BTBD18: variants seen among roughly 807,000 people sequenced by gnomAD.
The protein encoded by BTBD18 is BTB/POZ domain-containing protein 18.
For synonymous variants in BTBD18, 311 were observed against 324.4 expected (o/e 0.96, Z 0.44); for missense variants, 787 against 846.3 (o/e 0.93, Z 0.87).
In BTBD18 at chr11:57,744,913, C is replaced by T; in HGVS notation, c.1360G>A (p.Glu454Lys). ...TCAATAGCCAACATAGGTTCCTTCT[C>T]TACCAGTTCTGGACTGGACTCAAAC... Reference protein sequence around the residue: ...SEFESSPELVEKEPMLAIDCR... With the variant: ...SEFESSPELVKKEPMLAIDCR... The change falls in exon 3 of 3, where the codon GAG becomes AAG. Residue 454 changes from glutamate to lysine, a missense_variant. Physicochemically the swap from Glu to Lys is moderately conservative, Grantham distance 56. Transcript: ENST00000422652. 1 of 1,551,470 alleles carries T rather than the reference C, an allele frequency of 6.4e-7. No individual in the cohort carries two copies. Among genetic ancestry groups the T allele is most frequent in the Non-Finnish European group, 8.7e-7 (1 of 1,146,872 alleles).
chr11:57,744,745 G>C lies in BTBD18; in HGVS notation c.1528C>G (p.Pro510Ala), dbSNP rs183196273. 8.4e-6 allele frequency: 13 copies of C among 1,551,674 alleles called. No homozygotes were observed. Among genetic ancestry groups the C allele is most frequent in the African/African-American group, 2.7e-5 (2 of 73,158 alleles). ...CCTGGACTCTCCAGAGACCCTATAG[G>C]TGGTTCAATGTCTGAGCCACAGAGC... is the stretch of plus-strand genomic sequence containing the variant. ...FMLCGSDIEP[P>A]IGSLESPGAE... The change falls in exon 3 of 3, where the codon CCT becomes GCT. Residue 510 changes from proline to alanine, a missense_variant. Transcript: ENST00000422652.
At chr11:57,750,533 T>C (rs1259540376) in intron 2 of BTBD18, among the ~76,000 whole-genome samples, 1 of 152,184 alleles carries the variant, frequency 6.6e-6, no homozygotes, top group African/African-American at 2.4e-5. Context: ...TCATCTCTAC[T>C]AAAAATACAA....
chr11:57,752,524 CAA>C (rs1171408975), upstream of BTBD18, among the ~76,000 whole-genome samples: 3 of 116,296 alleles, frequency 2.6e-5, no homozygotes, highest in Non-Finnish European at 1.8e-5. Flanking sequence ...GACTCCGTCT[CAA>C]AAAAAAAAAA....
chr11:57,751,448 CTATT>C (rs1949307595), intron 1 of BTBD18, 89 bp downstream of exon 1: 3 of 291,472 alleles, frequency 1.0e-5, no homozygotes, highest in Non-Finnish European at 1.9e-5. Flanking sequence ...GGTCTTGGCT[CTATT>C]TATTAGCCTG....
In BTBD18 at chr11:57,744,163, A is replaced by T; in HGVS notation, c.2110T>A (p.Ser704Thr). The T allele has an allele frequency of 1.3e-6, 2 of 1,550,422 alleles. No individual in the cohort carries two copies. The highest frequency in any genetic ancestry group is 2.4e-5 in the South Asian group (2 of 84,008). Residue 704 changes from serine to threonine, a missense_variant, in exon 3 of 3, where the codon TCA (serine) becomes ACA (threonine). Ser to Thr is a moderately conservative substitution (Grantham distance 58). Transcript: ENST00000422652. ...PSVWPDPSSE[S>T]ETEVDILT ...GTTAGTATATCTACCTCTGTTTCTG[A>T]CTCTGAGGAAGGGTCAGGCCACACG...
rs1949179884 is a variant in BTBD18, at chr11:57,745,918, C to T, written c.355G>A (p.Glu119Lys). Reference protein sequence around the residue: ...LSAARQLRVSELESLQLEGGK... With the variant: ...LSAARQLRVSKLESLQLEGGK... ...CCCTCAAGCTGAAGGGATTCCAGCTCAGACACACGGAGCTGACGGGCAGCA... is the reference window on the plus strand; with the variant it reads ...CCCTCAAGCTGAAGGGATTCCAGCTTAGACACACGGAGCTGACGGGCAGCA... The change falls in exon 3 of 3, where the codon GAG (glutamate) becomes AAG (lysine). Residue 119 changes from glutamate to lysine, a missense_variant. Coordinates refer to ENST00000422652, the MANE Select transcript of BTBD18 (RefSeq NM_001145101.3). 7 of 1,551,672 alleles carry T rather than the reference C, an allele frequency of 4.5e-6. No homozygotes were observed. Among genetic ancestry groups the T allele is most frequent in the Non-Finnish European group, 6.1e-6 (7 of 1,146,994 alleles).
At position 57,745,447 on chromosome 11, in the gene BTBD18, T is replaced by C. The variant is rs1949171445; in HGVS notation, c.826A>G (p.Thr276Ala). The C allele has an allele frequency of 6.4e-7, 1 of 1,551,264 alleles. No individual in the cohort carries two copies. Among genetic ancestry groups the C allele is most frequent in the African/African-American group, 1.4e-5 (1 of 73,048 alleles). ...CTTAAAATGCTGGAAGGCTTTGATG[T>C]ACAGATACCAGGAGATGGCTTTGAG... ...SRSKPSPGIC[T>A]SKPSSILSGS... The change falls in exon 3 of 3, where the codon ACA (threonine) becomes GCA (alanine). Residue 276 changes from threonine to alanine, a missense_variant. Coordinates refer to ENST00000422652, the MANE Select transcript of BTBD18 (RefSeq NM_001145101.3).
chr11:57,744,561 A>C lies in BTBD18; in HGVS notation c.1712T>G (p.Leu571Arg). ...PAGENRGPTE[L>R]LSPLVMPSEV... ...AGAGGGCATGACAAGGGGGCTAAGG[A>C]GCTCAGTTGGCCCTCTGTTCTCACC... Residue 571 changes from leucine to arginine, a missense_variant, in exon 3 of 3, where the codon CTC becomes CGC. Leu to Arg is a moderately radical substitution (Grantham distance 102, BLOSUM62 -2). Transcript: ENST00000422652. The C allele has an allele frequency of 6.4e-7, 1 of 1,551,690 alleles. No homozygotes were observed. The highest frequency in any genetic ancestry group is 8.7e-7 in the Non-Finnish European group (1 of 1,146,984).
intron 2 of BTBD18, among the ~76,000 whole-genome samples, chr11:57,749,733 G>T (rs1447754809): frequency 9.5e-6 from 1 of 104,862 alleles, no homozygotes; most frequent in African/African-American, 3.8e-5. Flanking sequence ...CTGGGCGACA[G>T]CGCAAGAATC....
upstream of BTBD18, among the ~76,000 whole-genome samples, chr11:57,752,803 A>G (rs1024718280): frequency 6.6e-6 from 1 of 152,248 alleles, no homozygotes; most frequent in Non-Finnish European, 1.5e-5. Flanking sequence ...CTCCCCATCC[A>G]GAAGCAAGGG....
At position 57,744,712 on chromosome 11, in the gene BTBD18, C is replaced by G. The variant is rs752241282; in HGVS notation, c.1561G>C (p.Gly521Arg). 6.6e-5 allele frequency: 103 copies of G among 1,551,712 alleles called. No individual in the cohort carries two copies. In the Middle Eastern group the frequency reaches 1.3e-3, roughly 20 times the overall value. ...IGSLESPGAE[G>R]CRTPTYHLTE... ...AGATGGTAGGTAGGCGTTCTGCAGC[C>G]CTCAGCCCCTGGACTCTCCAGAGAC... is the stretch of plus-strand genomic sequence containing the variant. The change falls in exon 3 of 3, where the codon GGC (glycine) becomes CGC (arginine). Residue 521 changes from glycine to arginine, a missense_variant. Gly to Arg is a moderately radical substitution (Grantham distance 125). Transcript: ENST00000422652.
chr11:57,751,918 A>T (rs956091495), upstream of BTBD18: 2 of 152,242 alleles, frequency 1.3e-5, no homozygotes, highest in Admixed American at 1.3e-4. Context: ...AGAACCAAGG[A>T]CGTTGCCACC....
upstream of BTBD18, among the ~76,000 whole-genome samples, chr11:57,752,057 C>G (rs1056549342): frequency 6.6e-6 from 1 of 152,168 alleles, no homozygotes; most frequent in South Asian, 2.1e-4. Context: ...CATTTTACCC[C>G]TCCCAAAACA....
chr11:57,752,705 C>T (rs1482934000), upstream of BTBD18, among the ~76,000 whole-genome samples: 1 of 152,154 alleles, frequency 6.6e-6, no homozygotes, highest in African/African-American at 2.4e-5. Context: ...GTCCTCTGTC[C>T]AGCCTGCCTT....
intron 2 of BTBD18, among the ~76,000 whole-genome samples, 172 bp downstream of exon 2, chr11:57,750,893 C>T (rs1949292912): frequency 6.6e-6 from 1 of 152,222 alleles, no homozygotes; most frequent in Non-Finnish European, 1.5e-5. Flanking sequence ...GTCACAATTT[C>T]ACTCTTGAAA....
chr11:57,746,059 C>G lies in BTBD18; in HGVS notation c.214G>C (p.Gly72Arg). 1 of 1,551,696 alleles carries G rather than the reference C, an allele frequency of 6.4e-7. No homozygotes were observed. Among genetic ancestry groups the G allele is most frequent in the Non-Finnish European group, 8.7e-7 (1 of 1,146,982 alleles). The change falls in exon 3 of 3, where the codon GGG becomes CGG. Residue 72 changes from glycine to arginine, a missense_variant. Physicochemically the swap from Gly to Arg is moderately radical, Grantham distance 125. Coordinates refer to ENST00000422652, the MANE Select transcript of BTBD18 (RefSeq NM_001145101.3). ...RLERERPAQG[G>R]KVVLELGGLK... ...CCACCCAGCTCTAGCACCACCTTCC[C>G]ACCCTGAGCTGGCCTCTCCCGCTCC... is the stretch of plus-strand genomic sequence containing the variant.
chr11:57,744,609 G>A lies in BTBD18; in HGVS notation c.1664C>T (p.Thr555Ile). 2.6e-6 allele frequency: 4 copies of A among 1,551,658 alleles called. No homozygotes were observed. Among genetic ancestry groups the A allele is most frequent in the Non-Finnish European group, 3.5e-6 (4 of 1,147,010 alleles). The change falls in exon 3 of 3, where the codon ACA becomes ATA. Residue 555 changes from threonine (T) to isoleucine (I), a missense_variant. By Grantham distance (89) the Thr-to-Ile change is moderately conservative. Transcript: ENST00000422652. ...PDMELWPREL[T>I]ELEKEPAGEN... ...ACCAGCAGGTTCCTTTTCCAATTCT[G>A]TGAGCTCCCTGGGCCAGAGTTCCAT...
At chr11:57,747,882 C>T (rs1289213148) in intron 2 of BTBD18, among the ~76,000 whole-genome samples, 2 of 152,204 alleles carry the variant, frequency 1.3e-5, no homozygotes, top group East Asian at 1.9e-4. Flanking sequence ...TCACTGCAAC[C>T]TCAACCTCCC....
At chr11:57,748,732 A>C (rs951636372) in intron 2 of BTBD18, among the ~76,000 whole-genome samples, 1 of 152,148 alleles carries the variant, frequency 6.6e-6, no homozygotes, top group Non-Finnish European at 1.5e-5. Context: ...ACAGCTGCCT[A>C]TCTAGGCTCA....
Sources: allele counts gnomAD v4.1 joint callset (sites outside exome capture counted in the v4.1 genomes callset), GRCh38; gene constraint gnomAD v4.1.1; transcripts MANE v1.5; gene names NCBI Gene and HGNC (gene_info 2026-07-23, HGNC 2026-07-21).